CAMK1D: variants seen among roughly 807,000 people sequenced by gnomAD.
CAMK1D encodes calcium/calmodulin dependent protein kinase ID, also known as calcium/calmodulin-dependent protein kinase type 1D.
CAMK1D carries 9 observed loss-of-function variants against 47.7 expected under a neutral mutation model. The ratio of observed to expected loss-of-function variants is 0.19; its 90% confidence interval spans 0.11 to 0.33. The LOEUF is 0.33. Among genes scored for constraint, CAMK1D ranks in the 10% least tolerant of loss-of-function variants. The pLI is 1.00. For synonymous variants in CAMK1D, 184 were observed against 184.9 expected (o/e 0.99, Z 0.04); for missense variants, 291 against 488.7 (o/e 0.60, Z 3.81).
At chr10:12,739,319 G>T (rs1256438058) in intron 3 of CAMK1D, among the ~76,000 whole-genome samples, 1 of 151,758 alleles carries the variant, frequency 6.6e-6, no homozygotes, top group East Asian at 1.9e-4. Flanking sequence ...TGTTGCTCAG[G>T]CTGTGGAGCA....
chr10:12,762,208 C>T (rs976117881), intron 4 of CAMK1D, among the ~76,000 whole-genome samples: 1 of 152,198 alleles, frequency 6.6e-6, no homozygotes, highest in East Asian at 1.9e-4. Context: ...GCCCCCAGAG[C>T]TTACTGCACC....
intron 8 of CAMK1D, among the ~76,000 whole-genome samples, chr10:12,819,681 GC>G (rs1452658718): frequency 9.9e-5 from 15 of 152,208 alleles, no homozygotes; most frequent in Admixed American, 9.8e-4. Context: ...TTCCCTTTGG[GC>G]AGTGGGGTCC....
intron 1 of CAMK1D, among the ~76,000 whole-genome samples, chr10:12,472,625 G>A (rs1309995202): frequency 6.6e-6 from 1 of 152,074 alleles, no homozygotes; most frequent in African/African-American, 2.4e-5. Context: ...GGGTACAAGC[G>A]ATTCTCCTTC....
intron 2 of CAMK1D, among the ~76,000 whole-genome samples, chr10:12,558,009 A>T (rs906403803): frequency 6.6e-6 from 1 of 152,264 alleles, no homozygotes; most frequent in Non-Finnish European, 1.5e-5. Flanking sequence ...AGAGGGAAAC[A>T]TTCTGATAAA....
chr10:12,489,722 G>A (rs1242537863), intron 1 of CAMK1D, among the ~76,000 whole-genome samples: 1 of 152,304 alleles, frequency 6.6e-6, no homozygotes, highest in East Asian at 1.9e-4. Flanking sequence ...TAGTTATGCT[G>A]GACGAGCCCT....
intron 1 of CAMK1D, among the ~76,000 whole-genome samples, chr10:12,535,426 G>T (rs191075325): frequency 6.6e-6 from 1 of 152,268 alleles, no homozygotes; most frequent in Admixed American, 6.5e-5. Flanking sequence ...GTCATTAGTG[G>T]TTAACTCTAC....
chr10:12,593,868 C>T (rs928927611), intron 2 of CAMK1D, among the ~76,000 whole-genome samples: 2 of 152,110 alleles, frequency 1.3e-5, no homozygotes, highest in Non-Finnish European at 2.9e-5. Flanking sequence ...TTGGAAGTTG[C>T]GTTGCCTTCT....
intron 6 of CAMK1D, 110 bp downstream of exon 6, chr10:12,791,343 G>T (rs1463933824): frequency 4.5e-6 from 4 of 884,066 alleles, no homozygotes; most frequent in Non-Finnish European, 7.3e-6. Context: ...TAAGGGTGCA[G>T]TTCAGGGCCA....
chr10:12,408,224 T>G (rs1254831991), intron 1 of CAMK1D, among the ~76,000 whole-genome samples: 1 of 151,018 alleles, frequency 6.6e-6, no homozygotes, highest in Non-Finnish European at 1.5e-5. Context: ...TGCAGTGGCA[T>G]GATCTCGGCT....
chr10:12,619,019 A>G (rs956120337), intron 2 of CAMK1D, among the ~76,000 whole-genome samples: 2 of 152,230 alleles, frequency 1.3e-5, no homozygotes, highest in African/African-American at 4.8e-5. Context: ...TCTCAGTGCT[A>G]TGCAGTACTA....
At chr10:12,673,843 G>C (rs1433921399) in intron 3 of CAMK1D, among the ~76,000 whole-genome samples, 1 of 152,130 alleles carries the variant, frequency 6.6e-6, no homozygotes, top group Non-Finnish European at 1.5e-5. Flanking sequence ...TTTGGTTTGA[G>C]GATTTTGTAG....
intron 2 of CAMK1D, among the ~76,000 whole-genome samples, chr10:12,561,384 T>C (rs1836938569): frequency 6.6e-6 from 1 of 152,168 alleles, no homozygotes; most frequent in Non-Finnish European, 1.5e-5. Flanking sequence ...CAATACACCC[T>C]GGACCTGTGA....
intron 2 of CAMK1D, among the ~76,000 whole-genome samples, chr10:12,660,763 G>A (rs1349031202): frequency 6.6e-6 from 1 of 152,194 alleles, no homozygotes; most frequent in African/African-American, 2.4e-5. Context: ...TGAAAATTAA[G>A]TTGAGTTTCT....
At position 12,787,627 on chromosome 10, in the gene CAMK1D, C is replaced by G. The variant is rs191891265; in HGVS notation, c.566-3531C>G. Among the ~76,000 whole-genome samples, 424 of 152,362 alleles carry G rather than the reference C, an allele frequency of 2.8e-3. 2 individuals are homozygous for G. The highest frequency in any genetic ancestry group is 9.3e-3 in the African/African-American group (388 of 41,584). On this transcript the variant is annotated intron_variant, in intron 5 of 10. Coordinates refer to ENST00000619168, the MANE Select transcript of CAMK1D (RefSeq NM_153498.4). ...CAGCTGTTGGAGGCACCGCAGCTTC[C>G]TTGTCTGTGCTCCTTTCTCGTGTAT...
intron 5 of CAMK1D, among the ~76,000 whole-genome samples, chr10:12,787,355 T>C (rs561421592): frequency 1.8e-4 from 27 of 152,292 alleles, no homozygotes; most frequent in African/African-American, 5.8e-4. Flanking sequence ...TTCTGAGCAA[T>C]GGATGGTGGC....
intron 3 of CAMK1D, among the ~76,000 whole-genome samples, chr10:12,734,136 T>C (rs1835021436): frequency 6.6e-6 from 1 of 150,902 alleles, no homozygotes; most frequent in Non-Finnish European, 1.5e-5. Context: ...GAGACCACCC[T>C]GGCCAACATG....
At chr10:12,498,777 C>T (rs1294220884) in intron 1 of CAMK1D, among the ~76,000 whole-genome samples, 2 of 152,176 alleles carry the variant, frequency 1.3e-5, no homozygotes, top group Non-Finnish European at 2.9e-5. Flanking sequence ...CCCAAGACAT[C>T]ATCACAGTCA....
At chr10:12,695,284 C>T (rs1184074232) in intron 3 of CAMK1D, among the ~76,000 whole-genome samples, 4 of 152,146 alleles carry the variant, frequency 2.6e-5, no homozygotes, top group East Asian at 1.9e-4. Flanking sequence ...GGATCAGAAA[C>T]GGTTCTCTGA....
intron 1 of CAMK1D, among the ~76,000 whole-genome samples, chr10:12,535,902 C>T (rs10458821): frequency 0.28 from 43,281 of 151,946 alleles, 6,438 homozygotes; most frequent in East Asian, 0.36. Context: ...TGTGGTAACA[C>T]CACAGATGAG....
Sources: allele counts gnomAD v4.1 joint callset (sites outside exome capture counted in the v4.1 genomes callset), GRCh38; gene constraint gnomAD v4.1.1; transcripts MANE v1.5; gene names NCBI Gene and HGNC (gene_info 2026-07-23, HGNC 2026-07-21).